The following CDC123 variants were observed in gnomAD, a reference collection of about 807,000 sequenced individuals.
CDC123 encodes cell division cycle 123, also known as translation initiation factor eIF2 assembly protein.
A neutral mutation model predicts 54.4 loss-of-function variants in CDC123; 37 were observed. The observed-to-expected ratio is 0.68, with a 90% CI of 0.52 to 0.89. The LOEUF is 0.89. CDC123 is among the 40% of genes least tolerant of loss of function. The pLI is 0.00. For missense variants in CDC123, 361 were observed against 412.1 expected (o/e 0.88, Z 1.07); for synonymous variants, 144 against 136.8 (o/e 1.05, Z -0.37).
At chr10:12,222,209 G>C (rs1331739517) in intron 6 of CDC123, among the ~76,000 whole-genome samples, 1 of 152,252 alleles carries the variant, frequency 6.6e-6, no homozygotes, top group Non-Finnish European at 1.5e-5. Flanking sequence ...GAATCCTGGA[G>C]GGTAGACAGC....
intron 10 of CDC123, among the ~76,000 whole-genome samples, chr10:12,243,944 T>A (rs1836093978): frequency 6.6e-6 from 1 of 152,206 alleles, no homozygotes; most frequent in Non-Finnish European, 1.5e-5. Flanking sequence ...TTTCACATAG[T>A]TCCAGGAATG....
At chr10:12,206,638 C>T (rs1835522545) in intron 2 of CDC123, among the ~76,000 whole-genome samples, 2 of 152,082 alleles carry the variant, frequency 1.3e-5, no homozygotes, top group Admixed American at 1.3e-4. Flanking sequence ...ATGGCGAAAC[C>T]CCATCTCTAG....
intron 6 of CDC123, among the ~76,000 whole-genome samples, chr10:12,218,821 G>A (rs1835695107): frequency 6.6e-6 from 1 of 152,244 alleles, no homozygotes; most frequent in South Asian, 2.1e-4. Flanking sequence ...TGACAGTGCA[G>A]TCAGCGTTGT....
intron 5 of CDC123, 34 bp from the exon 6 acceptor site, chr10:12,217,327 A>G (rs1564435954): frequency 6.3e-7 from 1 of 1,592,308 alleles, no homozygotes. Context: ...CCAACATGGA[A>G]TATGGACTAA....
rs138564420 is a variant in CDC123, at chr10:12,196,264, C to G, written c.19C>G (p.Leu7Val). The change falls in exon 1 of 13, where the codon CTT (leucine) becomes GTT (valine). Residue 7 changes from leucine to valine, a missense_variant. Coordinates refer to ENST00000281141, the MANE Select transcript of CDC123 (RefSeq NM_006023.3). Reference sequence around the variant, plus strand: ...CTGGAGGATGAAGAAGGAGCATGTGCTTCACTGCCAGTTCTCCGCGTGGTA... The same window carrying G: ...CTGGAGGATGAAGAAGGAGCATGTGGTTCACTGCCAGTTCTCCGCGTGGTA... MKKEHVLHCQFSAWYPF... is the reference protein window; with the variant it reads MKKEHVVHCQFSAWYPF... 6.2e-7 allele frequency: 1 copy of G among 1,613,954 alleles called. No individual in the cohort carries two copies. The highest frequency in any genetic ancestry group is 8.5e-7 in the Non-Finnish European group (1 of 1,179,898).
intron 6 of CDC123, among the ~76,000 whole-genome samples, chr10:12,222,914 C>T (rs909878776): frequency 2.1e-4 from 31 of 150,136 alleles, no homozygotes; most frequent in Admixed American, 1.8e-3. Flanking sequence ...TTTTTTGAGA[C>T]GGAGTCTCGC....
chr10:12,239,985 G>T (rs1328924299), intron 10 of CDC123, among the ~76,000 whole-genome samples: 1 of 147,004 alleles, frequency 6.8e-6, no homozygotes. Context: ...TCCAGCCTGG[G>T]CTACAGAGCG....
chr10:12,200,592 C>G (rs1231184309), intron 2 of CDC123, among the ~76,000 whole-genome samples: 2 of 152,146 alleles, frequency 1.3e-5, no homozygotes, highest in Non-Finnish European at 2.9e-5. Context: ...TTCTCCCTGG[C>G]CAGATGTTTG....
At chr10:12,217,992 G>T (rs927002481) in intron 6 of CDC123, among the ~76,000 whole-genome samples, 6 of 152,106 alleles carry the variant, frequency 3.9e-5, no homozygotes, top group African/African-American at 1.4e-4. Flanking sequence ...GGGAGGCTGA[G>T]GCAGGAGAAT....
chr10:12,249,453 C>G (rs1014163666), intron 11 of CDC123, 128 bp from the exon 12 acceptor site: 1 of 960,138 alleles, frequency 1.0e-6, no homozygotes, highest in Non-Finnish European at 1.5e-6. Flanking sequence ...TAAGCATCTT[C>G]CTTTCTCCTC....
At chr10:12,223,581 G>A (rs1278256248) in intron 6 of CDC123, among the ~76,000 whole-genome samples, 10 of 152,162 alleles carry the variant, frequency 6.6e-5, no homozygotes, top group Admixed American at 3.3e-4. Flanking sequence ...CCACTACACC[G>A]GGCCTAATTA....
Position 12,215,773 on chromosome 10 carries a change from C to G in CDC123, c.271C>G (p.Gln91Glu). Reference protein sequence around the residue: ...PEFPEFATKVQEAINSLGGSV... With the variant: ...PEFPEFATKVEEAINSLGGSV... The stretch of plus-strand genomic sequence containing the variant: ...ATTTCCTGAGTTTGCCACTAAAGTC[C>G]AGGAAGCTATCAATTCCCTCGGGGG... The change falls in exon 5 of 13, where the codon CAG becomes GAG. Residue 91 changes from glutamine (Q) to glutamate (E), a missense_variant. Gln to Glu is a conservative substitution (Grantham distance 29). Coordinates refer to ENST00000281141, the MANE Select transcript of CDC123 (RefSeq NM_006023.3). 1 of 1,612,466 alleles carries G rather than the reference C, an allele frequency of 6.2e-7. No homozygotes were observed. Among genetic ancestry groups the G allele is most frequent in the Non-Finnish European group, 8.5e-7 (1 of 1,179,416 alleles).
At chr10:12,205,078 A>ACTAC (rs1386213195) in intron 2 of CDC123, among the ~76,000 whole-genome samples, 1 of 151,090 alleles carries the variant, frequency 6.6e-6, no homozygotes, top group Non-Finnish European at 1.5e-5. Flanking sequence ...ACAGTCCCCT[A>ACTAC]CTACCCTTCA....
chr10:12,218,237 C>CTT (rs1185705109), intron 6 of CDC123, among the ~76,000 whole-genome samples: 4 of 134,388 alleles, frequency 3.0e-5, no homozygotes, highest in South Asian at 2.5e-4. Flanking sequence ...GTTTGTATTT[C>CTT]TTTTTTTTTC....
intron 6 of CDC123, among the ~76,000 whole-genome samples, chr10:12,226,716 C>A (rs1835822462): frequency 6.6e-6 from 1 of 151,296 alleles, no homozygotes; most frequent in African/African-American, 2.4e-5. Flanking sequence ...GGCAGAGACG[C>A]TCCCCATTTC....
chr10:12,241,321 C>T (rs1184899325), intron 10 of CDC123, among the ~76,000 whole-genome samples: 1 of 152,030 alleles, frequency 6.6e-6, no homozygotes, highest in Non-Finnish European at 1.5e-5. Flanking sequence ...TTAGTCTTTT[C>T]CTGTGAACGA....
chr10:12,219,173 G>A (rs1272963837), intron 6 of CDC123, among the ~76,000 whole-genome samples: 1 of 152,156 alleles, frequency 6.6e-6, no homozygotes, highest in Non-Finnish European at 1.5e-5. Flanking sequence ...CATCAACTCT[G>A]GCGTGTGAGC....
intron 2 of CDC123, among the ~76,000 whole-genome samples, chr10:12,201,641 G>A (rs1835441155): frequency 1.3e-5 from 2 of 152,168 alleles, no homozygotes; most frequent in Non-Finnish European, 2.9e-5. Flanking sequence ...GATGACATGG[G>A]GGAGGACAGT....
At position 12,209,955 on chromosome 10, in the gene CDC123, G is replaced by C. The variant is rs759160518; in HGVS notation, c.147-12G>C. 1 of 1,614,028 alleles carries C rather than the reference G, an allele frequency of 6.2e-7. No individual in the cohort carries two copies. The highest frequency in any genetic ancestry group is 8.5e-7 in the Non-Finnish European group (1 of 1,179,920). On this transcript the variant is annotated splice_polypyrimidine_tract_variant and intron_variant, in intron 2 of 12. Transcript: ENST00000281141. ...TCCTTTTCTTTCTTGATGTTTGTTT[G>C]TGTTTTTTTAGGGATGATCCACCAA...
Sources: gnomAD v4.1 joint callset for allele counts (sites outside exome capture counted in the v4.1 genomes callset) on GRCh38, gnomAD v4.1.1 for gene constraint, MANE v1.5 for transcripts, NCBI Gene and HGNC (gene_info 2026-07-23, HGNC 2026-07-21) for gene names.